Variants in WNT5A observed in about 807,000 individuals in gnomAD.
WNT5A encodes protein Wnt-5a.
WNT5A carries 9 observed loss-of-function variants against 42.1 expected under a neutral mutation model. That is an observed-to-expected ratio of 0.21 (90% CI 0.13 to 0.37). WNT5A has a LOEUF of 0.37. Ranked by LOEUF, WNT5A falls within the 10% of genes least tolerant of loss-of-function variation. The probability of loss-of-function intolerance (pLI) is 1.00; values close to 1 mark genes in which losing one functional copy is unlikely to be tolerated. For missense variants in WNT5A, 426 were observed against 534.0 expected (o/e 0.80, Z 1.99); for synonymous variants, 210 against 210.0 (o/e 1.00, Z 0.00).
In WNT5A at chr3:55,474,905, T is replaced by C. The variant is rs377045936; in HGVS notation, c.392-276A>G. 1.9e-3 allele frequency among the ~76,000 whole-genome samples: 75 copies of C among 39,434 alleles called. 1 individual carries two copies. In the East Asian group the frequency reaches 0.043, roughly 23 times the overall value. 25.9% of individuals were successfully genotyped at this position (39,434 alleles called of 152,430 possible). A position where few individuals can be genotyped will look rare whatever the true frequency, so the allele number is the denominator to read the frequency against. On this transcript the variant is annotated intron_variant, in intron 3 of 4. Transcript: ENST00000264634. ...GGGGGCAGGTAGGGCTGGGGGGAGG[T>C]TGGGGTAGAGGGTAGGGAGTAGGAG...
At chr3:55,495,551 T>A in the WNT5A span, among the ~76,000 whole-genome samples, 1 of 152,242 alleles carries the variant, frequency 6.6e-6, no homozygotes, top group African/African-American at 2.4e-5. Flanking sequence ...TATTCCATTG[T>A]GTATCTATGC....
chr3:55,474,943 G>A (rs534995531), intron 3 of WNT5A, among the ~76,000 whole-genome samples: 1 of 150,010 alleles, frequency 6.7e-6, no homozygotes, highest in Non-Finnish European at 1.5e-5. Context: ...GGGGGGGTAG[G>A]GGGTAGGGGA....
chr3:55,504,662 C>G, the WNT5A span, among the ~76,000 whole-genome samples: 2 of 152,170 alleles, frequency 1.3e-5, no homozygotes, highest in Non-Finnish European at 2.9e-5. Flanking sequence ...CGGGGTTTCT[C>G]CATGTTGGTC....
At chr3:55,480,704 C>A (rs1575403658) in intron 2 of WNT5A, 81 bp downstream of exon 2, 2 of 1,393,836 alleles carry the variant, frequency 1.4e-6, no homozygotes, top group Non-Finnish European at 1.9e-6. Flanking sequence ...CACTATCCAG[C>A]ATTAAATATT....
Position 55,470,030 on chromosome 3 carries a change from T to A in WNT5A, c.*62A>T. ...TATTTCTAAAAACCAAAAACCAGAATCACTGTACTTTCTATAAATAAGCGG... is the reference window on the plus strand; with the variant it reads ...TATTTCTAAAAACCAAAAACCAGAAACACTGTACTTTCTATAAATAAGCGG... On this transcript the variant is annotated 3_prime_UTR_variant, in exon 5 of 5. Transcript: ENST00000264634. The A allele has an allele frequency of 1.3e-6, 2 of 1,599,996 alleles. No homozygotes were observed. The highest frequency in any genetic ancestry group is 1.7e-6 in the Non-Finnish European group (2 of 1,168,550).
intron 1 of WNT5A, chr3:55,481,434 G>A: frequency 2.1e-6 from 2 of 974,638 alleles, no homozygotes; most frequent in Admixed American, 6.2e-5. Flanking sequence ...AGGCGGGGTG[G>A]CCAGCGCGGG....
intron 1 of WNT5A, 58 bp from the exon 2 acceptor site, chr3:55,480,976 C>T: frequency 2.2e-6 from 3 of 1,362,272 alleles, no homozygotes; most frequent in Non-Finnish European, 2.9e-6. Flanking sequence ...TTCAAGCATA[C>T]AAGTTTAAAC....
chr3:55,470,337 C>A lies in WNT5A; in HGVS notation c.898G>T (p.Val300Phe), dbSNP rs747860258. 6.2e-7 allele frequency: 1 copy of A among 1,613,920 alleles called. No individual in the cohort carries two copies. The highest frequency in any genetic ancestry group is 8.5e-7 in the Non-Finnish European group (1 of 1,179,910). The part of the protein sequence containing the change: ...RFNSPTTQDL[V>F]YIDPSPDYCV... ...TAGTCAGGGCTGGGGTCGATGTAGA[C>A]CAGGTCTTGTGTGGTGGGCGAGTTG... is the stretch of plus-strand genomic sequence containing the variant. The change falls in exon 5 of 5, where the codon GTC (valine) becomes TTC (phenylalanine). Residue 300 changes from valine (V) to phenylalanine (F), a missense_variant. Physicochemically the swap from Val to Phe is conservative, Grantham distance 50. This residue lies in a region of WNT5A where 358 missense variants were observed against 468.1 expected (regional missense o/e 0.76). Transcript: ENST00000264634.
rs1321119519 is a variant in WNT5A, at chr3:55,483,292, T to C, written c.7-2374A>G. ...AAAGGAGAGCCTCACGAGTCGCATCTCCACTTAACCCCGCCGCTTGCCCGG... is the reference window on the plus strand; with the variant it reads ...AAAGGAGAGCCTCACGAGTCGCATCCCCACTTAACCCCGCCGCTTGCCCGG... On this transcript the variant is annotated intron_variant, in intron 1 of 4. Coordinates refer to ENST00000264634, the MANE Select transcript of WNT5A (RefSeq NM_003392.7). The surrounding 1 kb of genome is among the most constrained non-coding windows in gnomAD (Gnocchi z 4.2). 6.6e-6 allele frequency among the ~76,000 whole-genome samples: 1 copy of C among 152,026 alleles called. No homozygotes were observed. The highest frequency in any genetic ancestry group is 1.5e-5 in the Non-Finnish European group (1 of 68,008).
At chr3:55,485,766 G>A (rs1424834401) in intron 1 of WNT5A, among the ~76,000 whole-genome samples, 1 of 152,120 alleles carries the variant, frequency 6.6e-6, no homozygotes, top group Non-Finnish European at 1.5e-5. Context: ...AGAAAAGAGA[G>A]GCGAGAGAGG....
intron 3 of WNT5A, among the ~76,000 whole-genome samples, chr3:55,477,422 A>C (rs1239425847): frequency 6.6e-6 from 1 of 152,088 alleles, no homozygotes. Context: ...GACCTTTTGC[A>C]GGGGAGGATG....
intron 2 of WNT5A, among the ~76,000 whole-genome samples, chr3:55,479,813 C>T (rs1575403012): frequency 6.6e-6 from 1 of 152,232 alleles, no homozygotes; most frequent in East Asian, 1.9e-4. Context: ...CCTTCCTAGC[C>T]CCTGTCACCA....
chr3:55,469,053 G>T lies in WNT5A; in HGVS notation c.*1039C>A, dbSNP rs915256232. On this transcript the variant is annotated 3_prime_UTR_variant, in exon 5 of 5. Transcript: ENST00000264634. ...ATCACATCACAACACGGAGGAATCA[G>T]AGAGGGCTCAGTGTGAAGAGGAAGG... 6.6e-6 allele frequency: 1 copy of T among 152,258 alleles called. No homozygotes were observed. The highest frequency in any genetic ancestry group is 1.9e-4 in the East Asian group (1 of 5,204). 9.4% of individuals were successfully genotyped at this position (152,258 alleles called of 1,614,324 possible). A position where few individuals can be genotyped will look rare whatever the true frequency, so the allele number is the denominator to read the frequency against.
chr3:55,491,292 C>G (rs1161396872), upstream of WNT5A, among the ~76,000 whole-genome samples: 3 of 152,118 alleles, frequency 2.0e-5, no homozygotes, highest in African/African-American at 7.2e-5. Flanking sequence ...AGGAGAGAAA[C>G]CAATGCCTCT....
At chr3:55,474,066 T>G (rs2051301193) in intron 4 of WNT5A, among the ~76,000 whole-genome samples, 4 of 146,722 alleles carry the variant, frequency 2.7e-5, no homozygotes, top group Admixed American at 6.8e-5. Context: ...GAAAGAGAGG[T>G]AGACAAAGGG....
upstream of WNT5A, chr3:55,488,185 G>T: frequency 6.5e-6 from 1 of 152,680 alleles, no homozygotes; most frequent in South Asian, 1.9e-4. Context: ...CAACGGCGGC[G>T]GCGGAAGGGC....
Position 55,470,103 on chromosome 3 carries a change from C to G in WNT5A, c.1132G>C (p.Val378Leu), listed in dbSNP as rs2051217433. The G allele has an allele frequency of 3.1e-6, 5 of 1,613,964 alleles. No individual in the cohort carries two copies. In the South Asian group the frequency reaches 5.5e-5, roughly 18 times the overall value. The change falls in exon 5 of 5, where the codon GTG becomes CTG. Residue 378 changes from valine to leucine, a missense_variant. Val to Leu is a conservative substitution (Grantham distance 32). Coordinates refer to ENST00000264634, the MANE Select transcript of WNT5A (RefSeq NM_003392.7). ...CTGGGTGGCACCCACTACTTGCACA[C>G]AAACTGGTCCACGATCTCCGTGCAC... ...KKCTEIVDQF[V>L]CK
chr3:55,499,444 A>T, the WNT5A span, among the ~76,000 whole-genome samples: 4 of 152,242 alleles, frequency 2.6e-5, no homozygotes, highest in African/African-American at 9.6e-5. Context: ...CCTGTGACCT[A>T]CACCTACACC....
chr3:55,505,047 T>A, the WNT5A span, among the ~76,000 whole-genome samples: 7 of 152,222 alleles, frequency 4.6e-5, no homozygotes, highest in Admixed American at 3.3e-4. Context: ...AGAGCTTTTA[T>A]TCTCAAATCT....
Sources: gnomAD v4.1 joint callset for allele counts (sites outside exome capture counted in the v4.1 genomes callset) on GRCh38, gnomAD v4.1.1 for gene constraint, gnomAD v4.1.1 regional missense constraint, Gnocchi (gnomAD v3.1) non-coding constraint, MANE v1.5 for transcripts, NCBI Gene and HGNC (gene_info 2026-07-23, HGNC 2026-07-21) for gene names.